Variants in SCRG1 observed in about 807,000 individuals in gnomAD.
SCRG1 encodes the protein scrapie-responsive protein 1.
In SCRG1, 3 loss-of-function variants were observed where a neutral mutation model predicts 7.7. That is an observed-to-expected ratio of 0.39 (90% confidence interval 0.18 to 1.01). The LOEUF (loss-of-function observed/expected upper bound fraction) is 1.01, where lower values mean the gene tolerates loss of function less well. SCRG1 is among the 50% of genes least tolerant of loss of function. The probability of loss-of-function intolerance (pLI) is 0.36; values close to 1 mark genes in which losing one functional copy is unlikely to be tolerated. For missense variants in SCRG1, 110 were observed against 117.2 expected (o/e 0.94, Z 0.28); for synonymous variants, 46 against 41.2 (o/e 1.12, Z -0.44).
chr4:173,495,493 T>C, the SCRG1 span, among the ~76,000 whole-genome samples: 1 of 152,256 alleles, frequency 6.6e-6, no homozygotes, highest in African/African-American at 2.4e-5. Context: ...ATGTGCACAC[T>C]ATGTGCGCAT....
At chr4:173,443,536 T>C in the SCRG1 span, among the ~76,000 whole-genome samples, 1 of 152,148 alleles carries the variant, frequency 6.6e-6, no homozygotes, top group Non-Finnish European at 1.5e-5. Context: ...ATGAAACATT[T>C]TGGGGGAGAA....
chr4:173,518,640 A>ACCC, the SCRG1 span, among the ~76,000 whole-genome samples: 20 of 152,046 alleles, frequency 1.3e-4, no homozygotes, highest in Non-Finnish European at 2.1e-4. Context: ...GAACCTGCCG[A>ACCC]GCCCCTGCTG....
the SCRG1 span, among the ~76,000 whole-genome samples, chr4:173,486,428 T>C: frequency 6.6e-6 from 1 of 152,162 alleles, no homozygotes; most frequent in Non-Finnish European, 1.5e-5. Context: ...CTTTCTTGCT[T>C]TGGATTCAAA....
At chr4:173,484,625 A>ATATATAT in the SCRG1 span, among the ~76,000 whole-genome samples, 1 of 86,032 alleles carries the variant, frequency 1.2e-5, no homozygotes, top group African/African-American at 6.2e-5. Context: ...TATGCATGTA[A>ATATATAT]TATATATTAT....
At chr4:173,482,960 ATAT>A in the SCRG1 span, among the ~76,000 whole-genome samples, 572 of 133,788 alleles carry the variant, frequency 4.3e-3, 7 homozygotes, top group African/African-American at 0.015. Context: ...TATATTGTAC[ATAT>A]TGTATATATA....
At position 173,385,408 on chromosome 4, in the gene SCRG1, T is replaced by G. The variant is rs1739219375; in HGVS notation, c.*2933A>C. The G allele has an allele frequency of 2.0e-5, 3 of 151,590 alleles. No homozygotes were observed. The South Asian group carries it at 6.2e-4, about 32-fold the overall frequency. The allele number at this position is 151,590 out of a possible 1,614,324, so 9.4% of individuals were successfully genotyped here. On this transcript the variant is annotated 3_prime_UTR_variant, in exon 3 of 3. Coordinates refer to ENST00000296506, the MANE Select transcript of SCRG1 (RefSeq NM_007281.4). ...TCACTTGAACCTGGGAGGCAGAGGTTGCAGTGAGTCAAGATTGTGCCACTG... is the reference window on the plus strand; with the variant it reads ...TCACTTGAACCTGGGAGGCAGAGGTGGCAGTGAGTCAAGATTGTGCCACTG...
the SCRG1 span, among the ~76,000 whole-genome samples, chr4:173,460,520 A>G: frequency 6.6e-6 from 1 of 152,216 alleles, no homozygotes. Context: ...TGAGGCCTCC[A>G]TTCCAGGCCC....
the SCRG1 span, among the ~76,000 whole-genome samples, chr4:173,482,140 TG>T: frequency 2.7e-4 from 41 of 152,320 alleles, no homozygotes; most frequent in African/African-American, 9.6e-4. Flanking sequence ...AATTAGCAGT[TG>T]GGCATAATGG....
the SCRG1 span, among the ~76,000 whole-genome samples, chr4:173,435,408 C>G: frequency 2.0e-5 from 3 of 152,186 alleles, no homozygotes; most frequent in African/African-American, 7.2e-5. Context: ...TGTGGTTACC[C>G]GTCGGACATC....
At chr4:173,479,871 C>T in the SCRG1 span, among the ~76,000 whole-genome samples, 5 of 152,114 alleles carry the variant, frequency 3.3e-5, no homozygotes, top group South Asian at 2.1e-4. Flanking sequence ...ATTGTGGTTG[C>T]CATTACCTTA....
the SCRG1 span, among the ~76,000 whole-genome samples, chr4:173,509,357 T>C: frequency 6.6e-6 from 1 of 152,136 alleles, no homozygotes; most frequent in African/African-American, 2.4e-5. The surrounding 1 kb of genome is among the most constrained non-coding windows in gnomAD (Gnocchi z 5.7). Context: ...TCCCACTCTG[T>C]CCTGGAGGCC....
the SCRG1 span, among the ~76,000 whole-genome samples, chr4:173,483,231 A>G: frequency 6.9e-5 from 4 of 57,866 alleles, no homozygotes; most frequent in African/African-American, 2.8e-4. Flanking sequence ...TATATATTAT[A>G]TATAATATAT....
chr4:173,401,363 G>A (rs1739757400), upstream of SCRG1, among the ~76,000 whole-genome samples: 1 of 152,212 alleles, frequency 6.6e-6, no homozygotes, highest in South Asian at 2.1e-4. Context: ...ATATGAGGAG[G>A]AAAATGGAAA....
At chr4:173,503,825 C>T in the SCRG1 span, among the ~76,000 whole-genome samples, 1 of 152,142 alleles carries the variant, frequency 6.6e-6, no homozygotes, top group African/African-American at 2.4e-5. This position sits in a 1 kb window ranked among gnomAD's most constrained non-coding sequence, Gnocchi z 6.4. Flanking sequence ...GGTGGATCTG[C>T]CCAAACTCCC....
chr4:173,386,363 T>A lies in SCRG1; in HGVS notation c.*1978A>T, dbSNP rs1449819435. On this transcript the variant is annotated 3_prime_UTR_variant, in exon 3 of 3. Coordinates refer to ENST00000296506, the MANE Select transcript of SCRG1 (RefSeq NM_007281.4). ...CGAGGTTTCACCGTATTAGCCAGGA[T>A]GGTCTTGATCTCCTGACCTCGTGAT... 1 of 150,488 alleles carries A rather than the reference T, an allele frequency of 6.6e-6. No individual in the cohort carries two copies. Among genetic ancestry groups the A allele is most frequent in the Non-Finnish European group, 1.5e-5 (1 of 67,836 alleles). 9.3% of individuals were successfully genotyped at this position (150,488 alleles called of 1,614,324 possible).
upstream of SCRG1, among the ~76,000 whole-genome samples, chr4:173,410,323 T>C (rs917294496): frequency 2.6e-5 from 4 of 152,256 alleles, no homozygotes; most frequent in African/African-American, 9.6e-5. Context: ...CAATAAGCTG[T>C]TGTCTTGGGC....
the SCRG1 span, among the ~76,000 whole-genome samples, chr4:173,518,443 T>G: frequency 6.6e-6 from 1 of 152,212 alleles, no homozygotes; most frequent in Non-Finnish European, 1.5e-5. Flanking sequence ...CAACAGAGTT[T>G]CCAACACACT....
At chr4:173,419,451 T>C in the SCRG1 span, 6 of 964,866 alleles carry the variant, frequency 6.2e-6, no homozygotes, top group Non-Finnish European at 9.7e-6. Flanking sequence ...GGAGTTACGC[T>C]GTTCTTTGTG....
the SCRG1 span, among the ~76,000 whole-genome samples, chr4:173,457,739 C>T: frequency 6.6e-6 from 1 of 152,140 alleles, no homozygotes; most frequent in Non-Finnish European, 1.5e-5. Context: ...GAAGGTAGCC[C>T]TAATCTTATT....
Sources: allele counts gnomAD v4.1 joint callset (sites outside exome capture counted in the v4.1 genomes callset), GRCh38; gene constraint gnomAD v4.1.1; non-coding constraint Gnocchi (gnomAD v3.1); transcripts MANE v1.5; gene names NCBI Gene and HGNC (gene_info 2026-07-23, HGNC 2026-07-21).